The following EPHA6 variants were observed in gnomAD, a reference collection of about 807,000 sequenced individuals.
EPHA6 encodes the protein EPH receptor A6.
In EPHA6, 50 loss-of-function variants were observed where a neutral mutation model predicts 112.0. The observed-to-expected ratio is 0.45, with a 90% CI of 0.36 to 0.56. The LOEUF is 0.56. EPHA6 is among the 20% of genes least tolerant of loss of function. EPHA6 has a pLI of 0.00. For missense variants in EPHA6, 1,280 were observed against 1,417.4 expected (o/e 0.90, Z 1.56); for synonymous variants, 529 against 490.7 (o/e 1.08, Z -1.03).
At chr3:96,908,634 A>G (rs556294088) in intron 2 of EPHA6, among the ~76,000 whole-genome samples, 2 of 152,010 alleles carry the variant, frequency 1.3e-5, no homozygotes, top group South Asian at 2.1e-4. Flanking sequence ...ATACCTAGCC[A>G]TTGTTAACTG....
chr3:97,037,716 G>T (rs539629930), intron 3 of EPHA6, among the ~76,000 whole-genome samples: 2 of 152,198 alleles, frequency 1.3e-5, no homozygotes, highest in East Asian at 3.9e-4. Context: ...ACAATCTGTT[G>T]TCACATACTG....
Position 97,072,036 on chromosome 3 carries a change from C to T in EPHA6, c.1114+84043C>T, listed in dbSNP as rs561894953. Among the ~76,000 whole-genome samples, 11 of 152,170 alleles carry T rather than the reference C, an allele frequency of 7.2e-5. 1 individual carries two copies. In the South Asian group the frequency reaches 2.3e-3, roughly 32 times the overall value. ...TCTCCAATTTGATTCAGCAGTTCCA[C>T]TACTGGCTCTCTACCCAGAGGAAAA... On this transcript the variant is annotated intron_variant, in intron 3 of 17. Transcript: ENST00000389672.
intron 11 of EPHA6, among the ~76,000 whole-genome samples, chr3:97,555,581 A>G (rs941190910): frequency 6.6e-6 from 1 of 152,170 alleles, no homozygotes; most frequent in African/African-American, 2.4e-5. Context: ...CATCCTCTCC[A>G]GCACCTGTTG....
At chr3:97,718,478 T>C (rs1229662670) in intron 14 of EPHA6, among the ~76,000 whole-genome samples, 2 of 152,174 alleles carry the variant, frequency 1.3e-5, no homozygotes, top group African/African-American at 2.4e-5. Flanking sequence ...AGTATAAATA[T>C]GTCTCATATA....
chr3:96,882,800 T>G (rs375657498), intron 2 of EPHA6, among the ~76,000 whole-genome samples: 1 of 151,802 alleles, frequency 6.6e-6, no homozygotes, highest in African/African-American at 2.4e-5. Context: ...GTGATATATA[T>G]CTCACAGTTT....
At chr3:97,079,817 T>C (rs189819922) in intron 3 of EPHA6, among the ~76,000 whole-genome samples, 1 of 151,830 alleles carries the variant, frequency 6.6e-6, no homozygotes, top group Admixed American at 6.6e-5. Context: ...ACCATCCTGA[T>C]CTGTCAGCAA....
At chr3:97,553,290 T>C (rs962314545) in intron 11 of EPHA6, among the ~76,000 whole-genome samples, 1 of 152,078 alleles carries the variant, frequency 6.6e-6, no homozygotes, top group African/African-American at 2.4e-5. Flanking sequence ...CTTTGGGGCT[T>C]TCCTGTGTTC....
intron 4 of EPHA6, 123 bp from the exon 5 acceptor site, chr3:97,243,829 A>G (rs1206415770): frequency 1.4e-6 from 1 of 714,016 alleles, no homozygotes; most frequent in East Asian, 2.7e-5. Flanking sequence ...TATAGATCCC[A>G]TTAGAAAAAG....
intron 5 of EPHA6, among the ~76,000 whole-genome samples, chr3:97,356,149 C>T (rs1413143974): frequency 2.6e-5 from 4 of 152,074 alleles, no homozygotes; most frequent in African/African-American, 9.7e-5. Flanking sequence ...AGTGTGAACC[C>T]TATTTTGAAC....
chr3:97,539,425 G>A lies in EPHA6; in HGVS notation c.2386+6882G>A, dbSNP rs1194447749. 3.3e-5 allele frequency among the ~76,000 whole-genome samples: 5 copies of A among 152,208 alleles called. No individual in the cohort carries two copies. The East Asian group carries it at 9.7e-4, about 29-fold the overall frequency. ...GGCCACGGGAAGTGCTAGGATTACA[G>A]GCATGAGCCATCACACCTGCCGTTC... On this transcript the variant is annotated intron_variant, in intron 11 of 17. Transcript: ENST00000389672.
chr3:97,507,479 T>C (rs191705018), intron 10 of EPHA6, among the ~76,000 whole-genome samples: 16 of 152,360 alleles, frequency 1.1e-4, no homozygotes, highest in Non-Finnish European at 1.5e-4. Flanking sequence ...TTGATTTGCA[T>C]ATATTAAACC....
rs544686997 is a variant in EPHA6 at position 97,574,853 on chromosome 3, G to C, written c.2387-17759G>C. Among the ~76,000 whole-genome samples, 6 of 152,140 alleles carry C rather than the reference G, an allele frequency of 3.9e-5. No homozygotes were observed. The South Asian group carries it at 1.2e-3, about 32-fold the overall frequency. On this transcript the variant is annotated intron_variant, in intron 11 of 17. Transcript: ENST00000389672. The stretch of plus-strand genomic sequence containing the variant: ...GAAGTTTTGGAAATAATAGACACTA[G>C]GGACTCCAAAAACTGGAGGGTGGGA...
intron 11 of EPHA6, among the ~76,000 whole-genome samples, chr3:97,566,460 A>G (rs1334914580): frequency 1.3e-5 from 2 of 152,230 alleles, no homozygotes; most frequent in East Asian, 3.9e-4. Flanking sequence ...TCTGCTAAAA[A>G]TCATATACTT....
chr3:97,341,342 C>T (rs1292035466), intron 5 of EPHA6, among the ~76,000 whole-genome samples: 1 of 151,762 alleles, frequency 6.6e-6, no homozygotes, highest in Non-Finnish European at 1.5e-5. Context: ...CTATGGTATT[C>T]TGCTCATGCT....
chr3:96,923,458 C>T (rs1047779421), intron 2 of EPHA6, among the ~76,000 whole-genome samples: 1 of 151,736 alleles, frequency 6.6e-6, no homozygotes, highest in Non-Finnish European at 1.5e-5. Context: ...AGTGTCTGTT[C>T]ATGTCCTTTG....
intron 2 of EPHA6, among the ~76,000 whole-genome samples, chr3:96,941,016 C>T (rs372081989): frequency 0.069 from 10,539 of 152,220 alleles, 721 homozygotes; most frequent in Admixed American, 0.21. Context: ...ACCTTTCTCT[C>T]TGGCTGCCCT....
intron 7 of EPHA6, among the ~76,000 whole-genome samples, chr3:97,465,093 T>G (rs2091011003): frequency 6.6e-6 from 1 of 152,112 alleles, no homozygotes. Context: ...TAAAAATTAA[T>G]AAATAAAACA....
chr3:97,061,979 G>A (rs965226766), intron 3 of EPHA6, among the ~76,000 whole-genome samples: 1 of 152,166 alleles, frequency 6.6e-6, no homozygotes, highest in Non-Finnish European at 1.5e-5. Context: ...GAGAAGATAG[G>A]AGACACTAGT....
intron 3 of EPHA6, among the ~76,000 whole-genome samples, chr3:97,061,034 G>A (rs1303046210): frequency 1.3e-5 from 2 of 151,882 alleles, no homozygotes; most frequent in Admixed American, 1.3e-4. Flanking sequence ...ATGGTGGCTT[G>A]GGTGGTTCAG....
Sources: gnomAD v4.1 joint callset for allele counts (sites outside exome capture counted in the v4.1 genomes callset) on GRCh38, gnomAD v4.1.1 for gene constraint, MANE v1.5 for transcripts, NCBI Gene and HGNC (gene_info 2026-07-23, HGNC 2026-07-21) for gene names.